Variants in HDAC8 observed in about 807,000 individuals in gnomAD.
HDAC8 encodes histone deacetylase-like 1.
In HDAC8, 1 loss-of-function variant was observed where a neutral mutation model predicts 32.2. That is an observed-to-expected ratio of 0.03 (90% CI 0.01 to 0.15). The LOEUF is 0.15. Among genes scored for constraint, HDAC8 ranks in the 10% least tolerant of loss-of-function variants. The probability of loss-of-function intolerance (pLI) is 1.00; values close to 1 mark genes in which losing one functional copy is unlikely to be tolerated. For missense variants in HDAC8, 117 were observed against 300.0 expected, an observed-to-expected ratio of 0.39 and a Z score of 4.51; for synonymous variants, 108 against 113.9, an observed-to-expected ratio of 0.95 and a Z score of 0.33.
chrX:72,497,642 C>T (rs1447466690), intron 4 of HDAC8, among the ~76,000 whole-genome samples: 1 of 111,494 alleles, frequency 9.0e-6, no homozygotes, highest in Non-Finnish European at 1.9e-5. Context: ...AATGAGCTAA[C>T]ATTACTTCTC....
intron 9 of HDAC8, among the ~76,000 whole-genome samples, chrX:72,401,970 C>T (rs1261367738): frequency 8.9e-6 from 1 of 112,006 alleles, no homozygotes; most frequent in African/African-American, 3.2e-5. Flanking sequence ...AGCAGTGAAG[C>T]CATCTAGTCT....
chrX:72,565,394 T>A (rs2147576683), intron 4 of HDAC8, among the ~76,000 whole-genome samples: 1 of 112,387 alleles, frequency 8.9e-6, no homozygotes, highest in Admixed American at 9.4e-5. Context: ...AATTCAGACC[T>A]AAACTGGGGC....
chrX:72,426,289 T>C (rs782220795), intron 9 of HDAC8, among the ~76,000 whole-genome samples: 9 of 111,967 alleles, frequency 8.0e-5, no homozygotes, highest in Non-Finnish European at 1.7e-4. Flanking sequence ...TTACTGCTAA[T>C]GGTGTAGGAA....
intron 7 of HDAC8, among the ~76,000 whole-genome samples, chrX:72,478,386 CCTGTAT>C (rs1556001542): frequency 9.0e-6 from 1 of 111,580 alleles, no homozygotes; most frequent in Non-Finnish European, 1.9e-5. Flanking sequence ...GTGAGGCTTG[CCTGTAT>C]TTAAATAGGA....
At chrX:72,409,860 C>A (rs1555969712) in intron 9 of HDAC8, among the ~76,000 whole-genome samples, 1 of 112,545 alleles carries the variant, frequency 8.9e-6, no homozygotes, top group South Asian at 3.7e-4. Flanking sequence ...AGGGCAGAGA[C>A]CTTGTCCTAC....
intron 3 of HDAC8, 21 bp from the exon 4 acceptor site, chrX:72,568,051 A>T (rs1392413245): frequency 8.3e-7 from 1 of 1,198,818 alleles, no homozygotes; most frequent in Non-Finnish European, 1.1e-6. Context: ...AAATCAGAAG[A>T]GCTGGTTAAA....
intron 6 of HDAC8, 187 bp from the exon 7 acceptor site, chrX:72,489,228 CT>C (rs2048777621): frequency 2.0e-6 from 1 of 500,792 alleles, no homozygotes; most frequent in Non-Finnish European, 3.6e-6. Context: ...CAGTTTTCAC[CT>C]TACTGGATCA....
intron 7 of HDAC8, chrX:72,474,775 G>T: frequency 1.2e-6 from 1 of 833,976 alleles, no homozygotes; most frequent in Non-Finnish European, 1.8e-6. Flanking sequence ...GATGCTTTTG[G>T]ATAAAAGAAA....
chrX:72,466,822 T>C (rs782377302), intron 7 of HDAC8: 23 of 111,982 alleles, frequency 2.1e-4, no homozygotes, highest in African/African-American at 7.1e-4. Context: ...CCAGATGTAT[T>C]TCAACAGATA....
At chrX:72,502,740 G>A (rs1603106175) in intron 4 of HDAC8, among the ~76,000 whole-genome samples, 1 of 109,868 alleles carries the variant, frequency 9.1e-6, no homozygotes, top group East Asian at 2.9e-4. Flanking sequence ...GGCTAACACA[G>A]TGAAACCCCG....
intron 4 of HDAC8, among the ~76,000 whole-genome samples, chrX:72,529,705 T>G (rs2147403727): frequency 8.9e-6 from 1 of 112,401 alleles, no homozygotes; most frequent in East Asian, 2.8e-4. Flanking sequence ...AAGTAGATTT[T>G]TTTTACATTC....
intron 4 of HDAC8, among the ~76,000 whole-genome samples, chrX:72,548,784 C>A (rs1556062165): frequency 9.0e-6 from 1 of 111,456 alleles, no homozygotes; most frequent in Non-Finnish European, 1.9e-5. Flanking sequence ...ATCCTCCCAC[C>A]TCAGCCTCCT....
chrX:72,441,501 A>G (rs782258051), intron 9 of HDAC8, among the ~76,000 whole-genome samples: 146 of 112,248 alleles, frequency 1.3e-3, no homozygotes, highest in African/African-American at 4.7e-3. Context: ...GAAAACTAAC[A>G]AACAGAAAGG....
intron 4 of HDAC8, among the ~76,000 whole-genome samples, chrX:72,531,096 T>A (rs1048310813): frequency 9.0e-6 from 1 of 111,439 alleles, no homozygotes; most frequent in Non-Finnish European, 1.9e-5. Context: ...CAAGGAATGA[T>A]TGGTGATGAG....
chrX:72,505,115 A>G (rs189409627), intron 4 of HDAC8, among the ~76,000 whole-genome samples: 1 of 110,284 alleles, frequency 9.1e-6, no homozygotes, highest in East Asian at 2.8e-4. Flanking sequence ...GTTGAGTTAT[A>G]AGAGTTCTTT....
At chrX:72,418,426 G>A (rs1268460118) in intron 9 of HDAC8, among the ~76,000 whole-genome samples, 1 of 111,336 alleles carries the variant, frequency 9.0e-6, no homozygotes, top group Non-Finnish European at 1.9e-5. Context: ...ACAAACATAG[G>A]AAAAAATGCT....
chrX:72,515,652 G>A (rs2049781970), intron 4 of HDAC8, among the ~76,000 whole-genome samples: 2 of 109,714 alleles, frequency 1.8e-5, no homozygotes, highest in Non-Finnish European at 3.8e-5. Flanking sequence ...AACCAAATAA[G>A]AAAACAGCCC....
At position 72,439,400 on chromosome X, in the gene HDAC8, A is replaced by G. The variant is rs182629951; in HGVS notation, c.1005+22604T>C. ...ACCATTGATACTATGAACAAACTGC[A>G]TCAATTAATGGTCACAATAACCAGC... is the stretch of plus-strand genomic sequence containing the variant. On this transcript the variant is annotated intron_variant, in intron 9 of 10. Transcript: ENST00000373573. 2.7e-5 allele frequency among the ~76,000 whole-genome samples: 3 copies of G among 111,386 alleles called. No homozygotes were observed. In the East Asian group the frequency reaches 8.5e-4, roughly 31 times the overall value.
chrX:72,387,384 C>T (rs567891141), intron 9 of HDAC8, among the ~76,000 whole-genome samples: 14 of 112,198 alleles, frequency 1.2e-4, no homozygotes, highest in East Asian at 2.8e-4. Flanking sequence ...GCCAGCAGGG[C>T]GGGTTTCTGT....
Sources: gnomAD v4.1 joint callset for allele counts (sites outside exome capture counted in the v4.1 genomes callset) on GRCh38, gnomAD v4.1.1 for gene constraint, MANE v1.5 for transcripts, NCBI Gene and HGNC (gene_info 2026-07-23, HGNC 2026-07-21) for gene names.